COX14: variants seen among roughly 807,000 people sequenced by gnomAD.
The protein encoded by COX14 is cytochrome c oxidase assembly factor COX14, also known as cytochrome c oxidase assembly protein COX14.
In COX14, 3 loss-of-function variants were observed where a neutral mutation model predicts 5.8. The observed-to-expected ratio is 0.51, with a 90% CI of 0.23 to 1.33. COX14 has a LOEUF of 1.33. COX14 is among the 40% of genes most tolerant of loss of function. COX14 has a pLI of 0.18. For missense variants in COX14, 72 were observed against 72.1 expected (o/e 1.00, Z 0.01); for synonymous variants, 25 against 26.1 (o/e 0.96, Z 0.13).
At chr12:50,113,442 T>C (rs776285450) in intron 1 of COX14, among the ~76,000 whole-genome samples, 6 of 150,936 alleles carry the variant, frequency 4.0e-5, no homozygotes, top group Non-Finnish European at 8.8e-5. Context: ...TAGCTGGGAC[T>C]ACAGGTGCCC....
chr12:50,113,303 A>ATTTTTTT (rs36016055), intron 1 of COX14, among the ~76,000 whole-genome samples: 1 of 138,874 alleles, frequency 7.2e-6, no homozygotes, highest in African/African-American at 2.7e-5. Context: ...CGTTTACGCA[A>ATTTTTTT]TTTTTTTTTT....
intron 1 of COX14, among the ~76,000 whole-genome samples, chr12:50,114,442 G>A (rs375391940): frequency 1.3e-5 from 2 of 152,052 alleles, no homozygotes; most frequent in South Asian, 4.2e-4. Flanking sequence ...AGTAGAGGTG[G>A]GGTTTTTCCG....
At position 50,112,259 on chromosome 12, in the gene COX14, C is replaced by T; in HGVS notation, c.-51C>T. On this transcript the variant is annotated 5_prime_UTR_variant, in exon 1 of 2. Transcript: ENST00000550487. ...ACAGTGGCCTCGAGACCCTGCCTGC[C>T]TGAGGAGGCCTCGGTTGGATGCGAA... The T allele has an allele frequency of 1.0e-6, 1 of 980,642 alleles. No individual in the cohort carries two copies. The highest frequency in any genetic ancestry group is 1.2e-6 in the Non-Finnish European group (1 of 825,518). 60.7% of individuals were successfully genotyped at this position (980,642 alleles called of 1,614,324 possible). A position where few individuals can be genotyped will look rare whatever the true frequency, so the allele number is the denominator to read the frequency against.
chr12:50,119,573 A>G (rs1328772649), intron 1 of COX14, among the ~76,000 whole-genome samples: 2 of 152,210 alleles, frequency 1.3e-5, no homozygotes, highest in East Asian at 1.9e-4. Flanking sequence ...ACACACCTGT[A>G]GCGTCAGCTA....
intron 1 of COX14, among the ~76,000 whole-genome samples, chr12:50,115,134 T>C (rs1318027703): frequency 6.7e-6 from 1 of 148,320 alleles, no homozygotes; most frequent in African/African-American, 2.5e-5. Context: ...CTTGAACTCC[T>C]GGGCTCAAGC....
chr12:50,117,017 T>C (rs1951086028), intron 1 of COX14, among the ~76,000 whole-genome samples: 1 of 152,046 alleles, frequency 6.6e-6, no homozygotes, highest in African/African-American at 2.4e-5. Context: ...TTCAATTTTT[T>C]TTTGTTTTTT....
Position 50,120,145 on chromosome 12 carries a change from C to G in COX14, c.102C>G (p.Val34=). The change falls in exon 2 of 2, where the codon GTC becomes GTG. Residue 34 remains valine, a synonymous_variant. Coordinates refer to ENST00000550487, the MANE Select transcript of COX14 (RefSeq NM_032901.4). ...GGGGGTACCTCTGCAGTGTCCGAGT[C>G]TACCACTATTTCCAGTGGCGCAGGG... ...VYGGYLCSVR[V]YHYFQWRRAQ... is the part of the protein sequence containing the mutation. 6.2e-7 allele frequency: 1 copy of G among 1,614,116 alleles called. No homozygotes were observed.
Position 50,112,295 on chromosome 12 carries a change from C to T in COX14, c.-15C>T, listed in dbSNP as rs570466443. The T allele has an allele frequency of 2.2e-5, 22 of 985,510 alleles. No homozygotes were observed. The Admixed American group carries it at 4.3e-4, about 19-fold the overall frequency. The allele number at this position is 985,510 out of a possible 1,614,324, so 61.0% of individuals were successfully genotyped here. ...TCGGTTGGATGCGAAGGAGCTGCAG[C>T]ATCCAGGTACGCTGCCGGCTAGGGC... On this transcript the variant is annotated 5_prime_UTR_variant, in exon 1 of 2. Transcript: ENST00000550487.
intron 1 of COX14, among the ~76,000 whole-genome samples, chr12:50,113,558 C>T (rs1474097705): frequency 2.0e-5 from 3 of 152,030 alleles, no homozygotes; most frequent in Non-Finnish European, 4.4e-5. Context: ...CCGCCTCGGC[C>T]TCCCAAAGTG....
intron 1 of COX14, among the ~76,000 whole-genome samples, chr12:50,118,072 T>G: frequency 7.8e-6 from 1 of 128,972 alleles, no homozygotes; most frequent in Admixed American, 8.4e-5. Flanking sequence ...TGAGATGGAG[T>G]CTCACTCCCC....
chr12:50,115,559 CT>C (rs1279234483), intron 1 of COX14, among the ~76,000 whole-genome samples: 589 of 142,858 alleles, frequency 4.1e-3, no homozygotes, highest in Non-Finnish European at 5.3e-3. Flanking sequence ...CATGATCCTC[CT>C]TTTTTTTTTT....
intron 1 of COX14, among the ~76,000 whole-genome samples, chr12:50,117,597 G>C (rs1188423756): frequency 1.3e-5 from 1 of 78,744 alleles, no homozygotes; most frequent in Admixed American, 1.3e-4. Flanking sequence ...TTTTTTTTTT[G>C]AGACGGTGTC....
rs758197157 is a variant in COX14 at position 50,120,083 on chromosome 12, A to G, written c.40A>G (p.Thr14Ala). Residue 14 changes from threonine to alanine, a missense_variant, in exon 2 of 2, where the codon ACC (threonine) becomes GCC (alanine). Coordinates refer to ENST00000550487, the MANE Select transcript of COX14 (RefSeq NM_032901.4). ...GCAGCTAGCTGACATTGGCTATAAG[A>G]CCTTCTCTACCTCCATGATGCTTCT... ...GKQLADIGYK[T>A]FSTSMMLLTV... The G allele has an allele frequency of 6.2e-7, 1 of 1,614,000 alleles. No individual in the cohort carries two copies. Among genetic ancestry groups the G allele is most frequent in the South Asian group, 1.1e-5 (1 of 91,080 alleles).
intron 1 of COX14, among the ~76,000 whole-genome samples, chr12:50,113,627 G>A (rs909229635): frequency 1.9e-4 from 28 of 148,416 alleles, no homozygotes; most frequent in African/African-American, 5.7e-4. Context: ...TTATTTATTT[G>A]TTTGTTATTT....
intron 1 of COX14, among the ~76,000 whole-genome samples, chr12:50,113,230 T>TA (rs1486365968): frequency 6.6e-6 from 1 of 151,372 alleles, no homozygotes; most frequent in African/African-American, 2.4e-5. Context: ...ATGGATACCT[T>TA]AAAAGCCCTG....
At chr12:50,118,549 C>A in intron 1 of COX14, 1 of 363,394 alleles carries the variant, frequency 2.8e-6, no homozygotes, top group Non-Finnish European at 3.8e-6. Context: ...GAGTGGATCA[C>A]AAGGTGAGGA....
rs184658947 is a variant in COX14, at chr12:50,117,469, C to T, written c.-8-2567C>T. Among the ~76,000 whole-genome samples, 242 of 152,254 alleles carry T rather than the reference C, an allele frequency of 1.6e-3. 1 individual carries two copies. The highest frequency in any genetic ancestry group is 2.7e-3 in the Non-Finnish European group (181 of 68,018). On this transcript the variant is annotated intron_variant, in intron 1 of 1. Coordinates refer to ENST00000550487, the MANE Select transcript of COX14 (RefSeq NM_032901.4). ...AAACTAAAAATAGGGCCCTCTTAGG[C>T]CTCACTGGCAGGCTTATTGGGCCCA...
chr12:50,114,822 C>A (rs1204633620), intron 1 of COX14, among the ~76,000 whole-genome samples: 1 of 122,312 alleles, frequency 8.2e-6, no homozygotes, highest in South Asian at 2.6e-4. Context: ...CTCACTCTGT[C>A]GCCAGGCTGG....
chr12:50,116,720 A>G (rs771796525), intron 1 of COX14, among the ~76,000 whole-genome samples: 47 of 152,256 alleles, frequency 3.1e-4, no homozygotes, highest in Middle Eastern at 3.4e-3. Flanking sequence ...TTTGTTCACT[A>G]TTGCATGCAC....
Sources: gnomAD v4.1 joint callset for allele counts (sites outside exome capture counted in the v4.1 genomes callset) on GRCh38, gnomAD v4.1.1 for gene constraint, MANE v1.5 for transcripts, NCBI Gene and HGNC (gene_info 2026-07-23, HGNC 2026-07-21) for gene names.